HOXC10: variants seen among roughly 807,000 people sequenced by gnomAD.
HOXC10 encodes the protein homeobox C10, also known as homeobox protein Hox-C10.
In HOXC10, 15 loss-of-function variants were observed where a neutral mutation model predicts 26.0. That is an observed-to-expected ratio of 0.58 (90% confidence interval 0.39 to 0.89). The LOEUF (loss-of-function observed/expected upper bound fraction) is 0.89, where lower values mean the gene tolerates loss of function less well. HOXC10 is among the 40% of genes least tolerant of loss of function. The pLI, the probability that HOXC10 is intolerant of heterozygous loss-of-function variation, is 0.00. For synonymous variants in HOXC10, 196 were observed against 185.5 expected (o/e 1.06, Z -0.46); for missense variants, 446 against 451.9 (o/e 0.99, Z 0.12).
Position 53,985,645 on chromosome 12 carries a change from A to C in HOXC10, c.386A>C (p.Tyr129Ser), listed in dbSNP as rs199667628. ...RAKSGPEAAL[Y>S]SHPLPESCLG... ...AAAAGTGGCCCCGAGGCAGCTCTCT[A>C]CTCCCACCCCTTGCCGGAGTCCTGC... The change falls in exon 1 of 2, where the codon TAC (tyrosine) becomes TCC (serine). Residue 129 changes from tyrosine (Y) to serine (S), a missense_variant. Coordinates refer to ENST00000303460, the MANE Select transcript of HOXC10 (RefSeq NM_017409.4). The C allele has an allele frequency of 1.2e-5, 19 of 1,613,118 alleles. No homozygotes were observed. The highest frequency in any genetic ancestry group is 1.2e-4 in the Admixed American group (7 of 59,974).
intron 1 of HOXC10, 124 bp downstream of exon 1, chr12:53,986,134 TG>T: frequency 9.5e-7 from 1 of 1,054,702 alleles, no homozygotes; most frequent in Admixed American, 3.2e-5. Context: ...AATGCGACCC[TG>T]GCTTTCGACT....
chr12:53,985,784 G>A lies in HOXC10; in HGVS notation c.525G>A (p.Glu175=). 6.2e-7 allele frequency: 1 copy of A among 1,613,732 alleles called. No homozygotes were observed. The highest frequency in any genetic ancestry group is 8.5e-7 in the Non-Finnish European group (1 of 1,179,992). Residue 175 remains glutamate (E), a synonymous_variant, in exon 1 of 2, where the codon GAG becomes GAA. Transcript: ENST00000303460. ...CCAACGACTTCGAAGCCCCTTTCGA[G>A]CAGCGGGCCAGTCTCAACCCGCGCG... The part of the protein sequence containing the change: ...SGANDFEAPF[E]QRASLNPRAE...
intron 1 of HOXC10, among the ~76,000 whole-genome samples, chr12:53,987,240 ACACT>A (rs747525533): frequency 2.6e-5 from 4 of 152,184 alleles, no homozygotes; most frequent in South Asian, 2.1e-4. Context: ...GACCTGTGCC[ACACT>A]CACGCACATC....
At position 53,985,465 on chromosome 12, in the gene HOXC10, A is replaced by G. The variant is rs1157676199; in HGVS notation, c.206A>G (p.Tyr69Cys). The change falls in exon 1 of 2, where the codon TAT (tyrosine) becomes TGT (cysteine). Residue 69 changes from tyrosine to cysteine, a missense_variant. By Grantham distance (194) the Tyr-to-Cys change is radical. Transcript: ENST00000303460. Reference protein sequence around the residue: ...GSSPSLALNTYPSYLSQLDSW... With the variant: ...GSSPSLALNTCPSYLSQLDSW... ...AGCCCCAGCCTCGCCCTCAACACCT[A>G]TCCGTCCTACCTCTCGCAGCTGGAC... The G allele has an allele frequency of 2.5e-6, 4 of 1,613,062 alleles. No homozygotes were observed. The highest frequency in any genetic ancestry group is 2.2e-5 in the East Asian group (1 of 44,816).
intron 1 of HOXC10, among the ~76,000 whole-genome samples, chr12:53,988,802 G>A (rs1216852447): frequency 6.6e-6 from 1 of 152,234 alleles, no homozygotes; most frequent in Non-Finnish European, 1.5e-5. Context: ...CATCTGGTTG[G>A]ATTTTTCCAG....
Position 53,989,719 on chromosome 12 carries a change from C to G in HOXC10, c.*273C>G, listed in dbSNP as rs1455463857. ...GTGTGGCTGGTGTGTGTGTCAAGCC[C>G]TCACTCACCCACGCACTCACACACA... On this transcript the variant is annotated 3_prime_UTR_variant, in exon 2 of 2. Coordinates refer to ENST00000303460, the MANE Select transcript of HOXC10 (RefSeq NM_017409.4). The G allele has an allele frequency of 2.2e-6, 1 of 459,022 alleles. No individual in the cohort carries two copies. The highest frequency in any genetic ancestry group is 3.8e-6 in the Non-Finnish European group (1 of 259,790). 28.4% of individuals were successfully genotyped at this position (459,022 alleles called of 1,614,324 possible). A position where few individuals can be genotyped will look rare whatever the true frequency, so the allele number is the denominator to read the frequency against.
In HOXC10 at chr12:53,989,481, C is replaced by T. The variant is rs926127834; in HGVS notation, c.*35C>T. 1.9e-6 allele frequency: 3 copies of T among 1,578,202 alleles called. No individual in the cohort carries two copies. The highest frequency in any genetic ancestry group is 2.7e-5 in the African/African-American group (2 of 73,402). ...CTCTCCTCCTCCCTTCCCGCTCCTT[C>T]CTCTCCCCGCCCCTCCTCCCTTTGT... is the stretch of plus-strand genomic sequence containing the variant. On this transcript the variant is annotated 3_prime_UTR_variant, in exon 2 of 2. Coordinates refer to ENST00000303460, the MANE Select transcript of HOXC10 (RefSeq NM_017409.4).
At chr12:53,988,711 G>A (rs1419270859) in intron 1 of HOXC10, among the ~76,000 whole-genome samples, 1 of 152,234 alleles carries the variant, frequency 6.6e-6, no homozygotes, top group Non-Finnish European at 1.5e-5. Flanking sequence ...CCACTGAGTT[G>A]AAACAGGTCA....
intron 1 of HOXC10, among the ~76,000 whole-genome samples, 183 bp from the exon 2 acceptor site, chr12:53,988,986 G>C (rs546555162): frequency 6.2e-4 from 95 of 152,242 alleles, no homozygotes; most frequent in Non-Finnish European, 1.1e-3. Flanking sequence ...ATCTCCCTAA[G>C]TCTAAACCCC....
chr12:53,985,162 C>G lies in HOXC10; in HGVS notation c.-98C>G. ...TCCCCCCCTCCCCTTCTTTTTCCTC[C>G]CTCCCCTCCAACCGCGCCCCCCCTC... is the stretch of plus-strand genomic sequence containing the variant. On this transcript the variant is annotated 5_prime_UTR_variant, in exon 1 of 2. Coordinates refer to ENST00000303460, the MANE Select transcript of HOXC10 (RefSeq NM_017409.4). 1.4e-6 allele frequency: 1 copy of G among 694,648 alleles called. No individual in the cohort carries two copies. Among genetic ancestry groups the G allele is most frequent in the Non-Finnish European group, 2.1e-6 (1 of 484,346 alleles). The allele number at this position is 694,648 out of a possible 1,614,324, so 43.0% of individuals were successfully genotyped here. A position where few individuals can be genotyped will look rare whatever the true frequency, so the allele number is the denominator to read the frequency against.
chr12:53,988,041 C>T (rs1037276799), intron 1 of HOXC10, among the ~76,000 whole-genome samples: 2 of 152,144 alleles, frequency 1.3e-5, no homozygotes, highest in African/African-American at 4.8e-5. Context: ...GATCCAGGAA[C>T]CTGGCAGCCT....
chr12:53,986,490 T>A (rs530736010), intron 1 of HOXC10: 1 of 152,942 alleles, frequency 6.5e-6, no homozygotes, highest in Admixed American at 6.5e-5. Context: ...GAAAATTGTT[T>A]CCTGCGAAAC....
intron 1 of HOXC10, chr12:53,986,417 G>C (rs970697205): frequency 2.4e-5 from 4 of 164,100 alleles, no homozygotes; most frequent in Non-Finnish European, 3.9e-5. Flanking sequence ...TGGCGATCTT[G>C]GGCCAGGGAC....
chr12:53,985,327 A>G lies in HOXC10; in HGVS notation c.68A>G (p.Glu23Gly), dbSNP rs1939412125. ...AEPLAAPGGG[E>G]RYSRSAGMYM... ...CCCTTGGCTGCGCCCGGCGGAGGAG[A>G]GCGCTATAGCCGGAGCGCAGGCATG... Residue 23 changes from glutamate (E) to glycine (G), a missense_variant, in exon 1 of 2, where the codon GAG becomes GGG. Glu to Gly is a moderately conservative substitution (Grantham distance 98). Coordinates refer to ENST00000303460, the MANE Select transcript of HOXC10 (RefSeq NM_017409.4). 2 of 1,608,276 alleles carry G rather than the reference A, an allele frequency of 1.2e-6. No individual in the cohort carries two copies. The highest frequency in any genetic ancestry group is 2.2e-5 in the South Asian group (2 of 90,252).
chr12:53,985,161 C>A lies in HOXC10; in HGVS notation c.-99C>A. On this transcript the variant is annotated 5_prime_UTR_variant, in exon 1 of 2. Coordinates refer to ENST00000303460, the MANE Select transcript of HOXC10 (RefSeq NM_017409.4). ...TTCCCCCCCTCCCCTTCTTTTTCCT[C>A]CCTCCCCTCCAACCGCGCCCCCCCT... 2.9e-5 allele frequency: 11 copies of A among 377,802 alleles called. No homozygotes were observed. Among genetic ancestry groups the A allele is most frequent in the Non-Finnish European group, 3.7e-5 (8 of 213,952 alleles). The allele number at this position is 377,802 out of a possible 1,614,324, so 23.4% of individuals were successfully genotyped here. A position where few individuals can be genotyped will look rare whatever the true frequency, so the allele number is the denominator to read the frequency against.
Position 53,989,775 on chromosome 12 carries a change from G to T in HOXC10, c.*329G>T, listed in dbSNP as rs939994562. 1.1e-5 allele frequency: 3 copies of T among 284,810 alleles called. No individual in the cohort carries two copies. Among genetic ancestry groups the T allele is most frequent in the African/African-American group, 6.5e-5 (3 of 45,812 alleles). 17.6% of individuals were successfully genotyped at this position (284,810 alleles called of 1,614,324 possible). On this transcript the variant is annotated 3_prime_UTR_variant, in exon 2 of 2. Transcript: ENST00000303460. ...CTGTTCTCCATGCAAAGTTAAGATC[G>T]AATCCATCCGCTTGTAGGGGAAAAA... is the stretch of plus-strand genomic sequence containing the variant.
Position 53,985,909 on chromosome 12 carries a change from A to G in HOXC10, c.650A>G (p.Glu217Gly), listed in dbSNP as rs1170893036. ...CCCAGCCCCAATGAAATCAAGACGG[A>G]GCAGAGCCTGGCGGGCCCTAAAGGG... ...QTPSPNEIKT[E>G]QSLAGPKGSP... is the part of the protein sequence containing the mutation. The change falls in exon 1 of 2, where the codon GAG becomes GGG. Residue 217 changes from glutamate to glycine, a missense_variant. Glu to Gly is a moderately conservative substitution (Grantham distance 98, BLOSUM62 -2). Coordinates refer to ENST00000303460, the MANE Select transcript of HOXC10 (RefSeq NM_017409.4). 1 of 1,613,818 alleles carries G rather than the reference A, an allele frequency of 6.2e-7. No individual in the cohort carries two copies. Among genetic ancestry groups the G allele is most frequent in the Non-Finnish European group, 8.5e-7 (1 of 1,180,002 alleles).
rs1416003914 is a variant in HOXC10 at position 53,985,193 on chromosome 12, TG to T, written c.-63del. On this transcript the variant is annotated 5_prime_UTR_variant, in exon 1 of 2. An upstream open reading frame in the 5' UTR gains an earlier in-frame stop. Coordinates refer to ENST00000303460, the MANE Select transcript of HOXC10 (RefSeq NM_017409.4). ...CTCCAACCGCGCCCCCCCTCCCGGA[TG>T]GGGAAAAAAAAAGATGTCAGCTCCT... 2.1e-6 allele frequency: 2 copies of T among 963,950 alleles called. No individual in the cohort carries two copies. Among genetic ancestry groups the T allele is most frequent in the Non-Finnish European group, 2.6e-6 (2 of 774,956 alleles). The allele number at this position is 963,950 out of a possible 1,614,324, so 59.7% of individuals were successfully genotyped here.
intron 1 of HOXC10, 61 bp downstream of exon 1, chr12:53,986,071 G>T: frequency 1.3e-6 from 2 of 1,485,758 alleles, no homozygotes; most frequent in South Asian, 2.8e-5. Context: ...TTCGCGGCCG[G>T]GGAGGGGGGC....
Sources: gnomAD v4.1 joint callset for allele counts (sites outside exome capture counted in the v4.1 genomes callset) on GRCh38, gnomAD v4.1.1 for gene constraint, MANE v1.5 for transcripts, NCBI Gene and HGNC (gene_info 2026-07-23, HGNC 2026-07-21) for gene names.